The following RAPGEF4 variants were observed in gnomAD, a reference collection of about 807,000 sequenced individuals.
RAPGEF4 encodes the protein RAP guanine-nucleotide-exchange factor (GEF) 4.
RAPGEF4 carries 66 observed loss-of-function variants against 147.9 expected under a neutral mutation model. The observed-to-expected ratio is 0.45, with a 90% CI of 0.37 to 0.55. The LOEUF (loss-of-function observed/expected upper bound fraction) is 0.55. RAPGEF4 is among the 20% of genes least tolerant of loss of function. RAPGEF4 has a pLI of 0.00. For missense variants in RAPGEF4, 1,071 were observed against 1,257.3 expected (o/e 0.85, Z 2.24); for synonymous variants, 419 against 442.7 (o/e 0.95, Z 0.67).
chr2:172,885,619 A>G (rs1697118526), intron 4 of RAPGEF4, among the ~76,000 whole-genome samples: 1 of 152,312 alleles, frequency 6.6e-6, no homozygotes, highest in East Asian at 1.9e-4. Context: ...GCCAAATGAA[A>G]GGGGTTTCCG....
At chr2:172,750,528 A>T (rs1256116316) in intron 1 of RAPGEF4, among the ~76,000 whole-genome samples, 2 of 152,084 alleles carry the variant, frequency 1.3e-5, no homozygotes, top group East Asian at 3.9e-4. Flanking sequence ...CCCGCAACAC[A>T]TAGGGATTAT....
intron 4 of RAPGEF4, among the ~76,000 whole-genome samples, chr2:172,869,963 C>T (rs747452157): frequency 1.2e-4 from 18 of 152,248 alleles, no homozygotes; most frequent in East Asian, 5.8e-4. Context: ...GGACATCCTA[C>T]GGGTGAACTC....
At chr2:173,023,862 G>A (rs1298750943) in intron 23 of RAPGEF4, among the ~76,000 whole-genome samples, 3 of 152,238 alleles carry the variant, frequency 2.0e-5, no homozygotes, top group Non-Finnish European at 4.4e-5. Flanking sequence ...GCTCCGCAGA[G>A]CAGCAGAAGG....
chr2:173,000,338 C>T (rs1162518329), intron 16 of RAPGEF4, among the ~76,000 whole-genome samples: 1 of 152,192 alleles, frequency 6.6e-6, no homozygotes, highest in Non-Finnish European at 1.5e-5. Context: ...TAATTTATAG[C>T]ATTAAAATGT....
chr2:172,743,086 T>C (rs185143394), intron 1 of RAPGEF4, among the ~76,000 whole-genome samples: 1 of 152,274 alleles, frequency 6.6e-6, no homozygotes, highest in East Asian at 1.9e-4. Context: ...TCACACCCCA[T>C]GCAGCTAGTT....
intron 4 of RAPGEF4, among the ~76,000 whole-genome samples, chr2:172,833,237 A>T (rs1418882159): frequency 2.7e-5 from 4 of 146,578 alleles, no homozygotes; most frequent in Admixed American, 6.9e-5. Context: ...AAGGTATGGC[A>T]CTGAACATGT....
intron 1 of RAPGEF4, among the ~76,000 whole-genome samples, chr2:172,743,379 C>A (rs1694472337): frequency 6.6e-6 from 1 of 152,166 alleles, no homozygotes; most frequent in African/African-American, 2.4e-5. Context: ...GCTTCCCCTG[C>A]CCCAGAAGAA....
chr2:172,735,974 G>T lies in RAPGEF4; in HGVS notation c.-10G>T. ...GCCGCAGCCAGGGACACCGCGCGCC[G>T]CCGCTCAACATGGTCGCTGCGCACG... On this transcript the variant is annotated 5_prime_UTR_variant, in exon 1 of 31. Transcript: ENST00000397081. The T allele has an allele frequency of 2.7e-6, 4 of 1,461,208 alleles. No individual in the cohort carries two copies. The South Asian group carries it at 5.2e-5, about 19-fold the overall frequency. The allele number at this position is 1,461,208 out of a possible 1,614,324, so 90.5% of individuals were successfully genotyped here. A position where few individuals can be genotyped will look rare whatever the true frequency, so the allele number is the denominator to read the frequency against.
At chr2:172,909,970 A>G (rs1279511899) in intron 4 of RAPGEF4, among the ~76,000 whole-genome samples, 2 of 152,176 alleles carry the variant, frequency 1.3e-5, no homozygotes, top group Non-Finnish European at 2.9e-5. Flanking sequence ...GGATAATCAA[A>G]GAGAGAGGAC....
intron 4 of RAPGEF4, among the ~76,000 whole-genome samples, chr2:172,879,930 T>C (rs17706710): frequency 0.052 from 7,855 of 152,308 alleles, 269 homozygotes; most frequent in Middle Eastern, 0.095. Flanking sequence ...AGGTGGGTGG[T>C]ACAACAAAAG....
Position 172,965,647 on chromosome 2 carries a change from T to C in RAPGEF4, c.784T>C (p.Trp262Arg). The C allele has an allele frequency of 1.2e-6, 2 of 1,614,164 alleles. No individual in the cohort carries two copies. Among genetic ancestry groups the C allele is most frequent in the Non-Finnish European group, 1.7e-6 (2 of 1,180,010 alleles). Residue 262 changes from tryptophan (W) to arginine (R), a missense_variant, in exon 9 of 31, where the codon TGG (tryptophan) becomes CGG (arginine). Physicochemically the swap from Trp to Arg is moderately radical, Grantham distance 101. Transcript: ENST00000397081. ...CTCCCGGACTCAAGCTGTTGGCATGTGGCAAGTCCTGTTAGAAGATGGTGT... is the reference window on the plus strand; with the variant it reads ...CTCCCGGACTCAAGCTGTTGGCATGCGGCAAGTCCTGTTAGAAGATGGTGT... Reference protein sequence around the residue: ...VHSRTQAVGMWQVLLEDGVLN... With the variant: ...VHSRTQAVGMRQVLLEDGVLN...
At chr2:172,918,204 T>A (rs1291873427) in intron 5 of RAPGEF4, among the ~76,000 whole-genome samples, 1 of 151,932 alleles carries the variant, frequency 6.6e-6, no homozygotes, top group Non-Finnish European at 1.5e-5. Flanking sequence ...ACGAACTGTA[T>A]TTGTTTCAGT....
chr2:172,945,417 T>C (rs750795399), intron 6 of RAPGEF4, among the ~76,000 whole-genome samples: 1 of 152,186 alleles, frequency 6.6e-6, no homozygotes, highest in Non-Finnish European at 1.5e-5. Flanking sequence ...TTCTGAGTCC[T>C]TAAAGGTTAT....
intron 28 of RAPGEF4, 100 bp downstream of exon 28, chr2:173,036,312 G>A: frequency 2.1e-6 from 2 of 963,454 alleles, no homozygotes; most frequent in East Asian, 2.5e-5. Flanking sequence ...AAGAATGATC[G>A]ATCCCATCCT....
chr2:172,854,112 T>G (rs1402775223), intron 4 of RAPGEF4, among the ~76,000 whole-genome samples: 1 of 152,046 alleles, frequency 6.6e-6, no homozygotes, highest in Non-Finnish European at 1.5e-5. Flanking sequence ...TAGGTCAATG[T>G]AGTTGGTAGT....
intron 6 of RAPGEF4, among the ~76,000 whole-genome samples, chr2:172,943,908 A>G (rs1687419546): frequency 6.6e-6 from 1 of 152,204 alleles, no homozygotes; most frequent in Non-Finnish European, 1.5e-5. Context: ...CCTCCTAATG[A>G]TAATTAGGGA....
At chr2:172,822,814 G>T (rs1041296217) in intron 4 of RAPGEF4, among the ~76,000 whole-genome samples, 5 of 152,088 alleles carry the variant, frequency 3.3e-5, no homozygotes. Context: ...TCTTACACTG[G>T]GTCTCCTCAC....
In RAPGEF4 at chr2:172,787,024, A is replaced by T. The variant is rs1263379150; in HGVS notation, c.66-8001A>T. Among the ~76,000 whole-genome samples the T allele has an allele frequency of 2.0e-5, 3 of 152,170 alleles. No individual in the cohort carries two copies. In the East Asian group the frequency reaches 5.8e-4, roughly 29 times the overall value. On this transcript the variant is annotated intron_variant, in intron 1 of 30. Coordinates refer to ENST00000397081, the MANE Select transcript of RAPGEF4 (RefSeq NM_007023.4). ...CAGGAGTTCAAGACCAGCCTGGCCA[A>T]CGTGGTGAAACCCCATCTCTACTAA...
chr2:172,996,213 A>G (rs1693345899), intron 15 of RAPGEF4, among the ~76,000 whole-genome samples: 1 of 152,196 alleles, frequency 6.6e-6, no homozygotes, highest in African/African-American at 2.4e-5. Flanking sequence ...GCTGCTCTTC[A>G]AGAAGTTTAC....
Sources: gnomAD v4.1 joint callset for allele counts (sites outside exome capture counted in the v4.1 genomes callset) on GRCh38, gnomAD v4.1.1 for gene constraint, MANE v1.5 for transcripts, NCBI Gene and HGNC (gene_info 2026-07-23, HGNC 2026-07-21) for gene names.